MACROD2: variants seen among roughly 807,000 people sequenced by gnomAD.
The protein encoded by MACROD2 is mono-ADP ribosylhydrolase 2.
In MACROD2, 36 loss-of-function variants were observed where a neutral mutation model predicts 70.4. The ratio of observed to expected loss-of-function variants is 0.51; its 90% CI spans 0.39 to 0.68. The LOEUF is 0.68. Ranked by LOEUF, MACROD2 falls within the 30% of genes least tolerant of loss-of-function variation. MACROD2 has a pLI of 0.00. For missense variants in MACROD2, 496 were observed against 538.4 expected, an observed-to-expected ratio of 0.92 and a Z score of 0.78; for synonymous variants, 172 against 178.8, an observed-to-expected ratio of 0.96 and a Z score of 0.30.
intron 5 of MACROD2, among the ~76,000 whole-genome samples, chr20:15,070,444 A>C (rs2075610010): frequency 6.6e-6 from 1 of 152,080 alleles, no homozygotes; most frequent in Non-Finnish European, 1.5e-5. Flanking sequence ...GGGTAGAATG[A>C]TATGGCCTGG....
intron 8 of MACROD2, among the ~76,000 whole-genome samples, chr20:15,681,411 C>T (rs1422641894): frequency 6.6e-6 from 1 of 152,222 alleles, no homozygotes; most frequent in East Asian, 1.9e-4. Context: ...AGATCACCCC[C>T]ATCCTGCTGA....
chr20:15,976,649 CT>C (rs1253342812), intron 13 of MACROD2, among the ~76,000 whole-genome samples: 1 of 152,216 alleles, frequency 6.6e-6, no homozygotes, highest in African/African-American at 2.4e-5. Flanking sequence ...CATACCTTGT[CT>C]TTGTGCAATA....
At position 15,209,119 on chromosome 20, in the gene MACROD2, T is replaced by C. The variant is rs1225125062; in HGVS notation, c.419-20821T>C. 2.5e-5 allele frequency among the ~76,000 whole-genome samples: 3 copies of C among 118,104 alleles called. No homozygotes were observed. The South Asian group carries it at 9.0e-4, about 35-fold the overall frequency. 77.5% of individuals were successfully genotyped at this position (118,104 alleles called of 152,430 possible). A position where few individuals can be genotyped will look rare whatever the true frequency, so the allele number is the denominator to read the frequency against. On this transcript the variant is annotated intron_variant, in intron 5 of 17. Coordinates refer to ENST00000684519, the MANE Select transcript of MACROD2 (RefSeq NM_001351661.2). ...GTGGTGGTGGTGGTGGTGGTGGTAT[T>C]TATTTATTTATTTATTTATTTATTT...
chr20:14,135,994 A>G lies in MACROD2; in HGVS notation c.271+50266A>G, dbSNP rs540490468. Among the ~76,000 whole-genome samples, 5 of 152,346 alleles carry G rather than the reference A, an allele frequency of 3.3e-5. No individual in the cohort carries two copies. The East Asian group carries it at 7.7e-4, about 24-fold the overall frequency. On this transcript the variant is annotated intron_variant, in intron 3 of 17. Coordinates refer to ENST00000684519, the MANE Select transcript of MACROD2 (RefSeq NM_001351661.2). Reference sequence around the variant, plus strand: ...TTATGCTGGTCCTAGCCAATGTAATAAAGGAAGAAAAATAAATAAAAGGCA... The same window carrying G: ...TTATGCTGGTCCTAGCCAATGTAATGAAGGAAGAAAAATAAATAAAAGGCA...
rs138271854 is a variant in MACROD2, at chr20:14,465,704, C to T, written c.272-27775C>T. Among the ~76,000 whole-genome samples the T allele has an allele frequency of 2.4e-3, 359 of 152,150 alleles. 2 individuals carry two copies. Among genetic ancestry groups the T allele is most frequent in the East Asian group, 0.02 (103 of 5,178 alleles). Reference sequence around the variant, plus strand: ...TCCTTTCCATGTTTAGTGCTTCCTTCGGGAGCTCTTTTAGGGCAGGCCTAG... The same window carrying T: ...TCCTTTCCATGTTTAGTGCTTCCTTTGGGAGCTCTTTTAGGGCAGGCCTAG... On this transcript the variant is annotated intron_variant, in intron 3 of 17. Transcript: ENST00000684519.
chr20:15,893,608 T>A (rs1296562631), intron 10 of MACROD2: 2 of 422,624 alleles, frequency 4.7e-6, no homozygotes, highest in Non-Finnish European at 9.4e-6. Flanking sequence ...GAAATGTTGA[T>A]GAGATGTTCT....
At chr20:15,456,464 A>G (rs549412675) in intron 7 of MACROD2, among the ~76,000 whole-genome samples, 25 of 152,318 alleles carry the variant, frequency 1.6e-4, no homozygotes, top group African/African-American at 5.8e-4. Flanking sequence ...TTCAGGCACA[A>G]CTATTTATGA....
intron 3 of MACROD2, among the ~76,000 whole-genome samples, chr20:14,344,567 A>G (rs1419851856): frequency 6.6e-6 from 1 of 152,164 alleles, no homozygotes; most frequent in Non-Finnish European, 1.5e-5. Flanking sequence ...TTTGTTTGAC[A>G]TTTGAAGTGT....
intron 3 of MACROD2, among the ~76,000 whole-genome samples, chr20:14,294,385 A>T (rs959350046): frequency 6.6e-6 from 1 of 151,202 alleles, no homozygotes. Context: ...GCCTAATTAC[A>T]ATCTTCTGAC....
intron 8 of MACROD2, among the ~76,000 whole-genome samples, chr20:15,667,070 T>A (rs1489892596): frequency 1.3e-5 from 2 of 152,216 alleles, no homozygotes; most frequent in Non-Finnish European, 2.9e-5. Flanking sequence ...GTTTGGATAT[T>A]TGTCCCCACC....
At chr20:14,490,107 GA>G (rs1261589570) in intron 3 of MACROD2, among the ~76,000 whole-genome samples, 1 of 152,084 alleles carries the variant, frequency 6.6e-6, no homozygotes, top group African/African-American at 2.4e-5. Flanking sequence ...ATTATTCCAG[GA>G]AAGGGATTCC....
intron 8 of MACROD2, among the ~76,000 whole-genome samples, chr20:15,525,345 G>A (rs2047707817): frequency 6.6e-6 from 1 of 152,192 alleles, no homozygotes; most frequent in South Asian, 2.1e-4. Flanking sequence ...CAGAGTTCCT[G>A]GCAGAGTGGT....
chr20:15,344,865 G>A (rs929643270), intron 6 of MACROD2, among the ~76,000 whole-genome samples: 3 of 152,216 alleles, frequency 2.0e-5, no homozygotes, highest in East Asian at 3.9e-4. Flanking sequence ...CTCTCTGATT[G>A]CCCCCTTATG....
chr20:15,142,775 C>T (rs2076202036), intron 5 of MACROD2, among the ~76,000 whole-genome samples: 1 of 151,692 alleles, frequency 6.6e-6, no homozygotes. Context: ...GGTATTCTGT[C>T]CTTGTGATAG....
chr20:14,784,192 C>T (rs1320109254), intron 5 of MACROD2, among the ~76,000 whole-genome samples: 1 of 152,082 alleles, frequency 6.6e-6, no homozygotes, highest in Admixed American at 6.5e-5. Context: ...TCTGCTGATG[C>T]CATTTCCCTG....
rs554378981 is a variant in MACROD2, at chr20:15,627,665, ATCAGACC to A, written c.645+127820_645+127826del. 7.4e-4 allele frequency among the ~76,000 whole-genome samples: 112 copies of A among 152,260 alleles called. 2 individuals are homozygous for A. The South Asian group carries it at 0.021, about 29-fold the overall frequency. On this transcript the variant is annotated intron_variant, in intron 8 of 17. Coordinates refer to ENST00000684519, the MANE Select transcript of MACROD2 (RefSeq NM_001351661.2). ...GTGGGGGCCAGGTGGAGTCATGGGT[ATCAGACC>A]TGCAAAAAACCTGGGAAAATGTCTC...
intron 10 of MACROD2, among the ~76,000 whole-genome samples, chr20:15,907,660 C>T (rs921671321): frequency 6.6e-6 from 1 of 152,174 alleles, no homozygotes; most frequent in Non-Finnish European, 1.5e-5. Context: ...ACGCTGATGA[C>T]ACGGTGTGCC....
chr20:15,877,958 A>G lies in MACROD2; in HGVS notation c.728-7806A>G, dbSNP rs562120129. Among the ~76,000 whole-genome samples, 5 of 152,080 alleles carry G rather than the reference A, an allele frequency of 3.3e-5. No individual in the cohort carries two copies. The South Asian group carries it at 1.0e-3, about 32-fold the overall frequency. On this transcript the variant is annotated intron_variant, in intron 9 of 17. Coordinates refer to ENST00000684519, the MANE Select transcript of MACROD2 (RefSeq NM_001351661.2). Reference sequence around the variant, plus strand: ...TATGATCTATTTCAGGTGTCTGTCCATTTTTTTCCCTTGGGAGTGGAGAGG... The same window carrying G: ...TATGATCTATTTCAGGTGTCTGTCCGTTTTTTTCCCTTGGGAGTGGAGAGG...
At chr20:15,772,100 AAATATATATATATAT>A (rs1386835235) in intron 8 of MACROD2, among the ~76,000 whole-genome samples, 1 of 89,686 alleles carries the variant, frequency 1.1e-5, no homozygotes, top group East Asian at 3.7e-4. Context: ...AAAAAAAAAA[AAATATATATATATAT>A]ATATATATAT....
Sources: gnomAD v4.1 joint callset for allele counts (sites outside exome capture counted in the v4.1 genomes callset) on GRCh38, gnomAD v4.1.1 for gene constraint, MANE v1.5 for transcripts, NCBI Gene and HGNC (gene_info 2026-07-23, HGNC 2026-07-21) for gene names.